GMDS: variants seen among roughly 807,000 people sequenced by gnomAD.
The protein encoded by GMDS is GDP-mannose 4,6 dehydratase.
A neutral mutation model predicts 49.9 loss-of-function variants in GMDS; 20 were observed. The observed-to-expected ratio is 0.40, with a 90% CI of 0.28 to 0.58. The LOEUF is 0.58. Among genes scored for constraint, GMDS ranks in the 20% least tolerant of loss-of-function variants. GMDS has a pLI of 0.42. For synonymous variants in GMDS, 177 were observed against 178.6 expected (o/e 0.99, Z 0.07); for missense variants, 362 against 481.4 (o/e 0.75, Z 2.32).
At chr6:2,048,575 A>G (rs180702630) in intron 4 of GMDS, among the ~76,000 whole-genome samples, 106 of 152,344 alleles carry the variant, frequency 7.0e-4, no homozygotes, top group Admixed American at 1.7e-3. Flanking sequence ...ACATATTCAC[A>G]TATGCATCTG....
chr6:1,944,459 G>C (rs1161496195), intron 6 of GMDS, among the ~76,000 whole-genome samples: 16 of 139,944 alleles, frequency 1.1e-4, no homozygotes, highest in African/African-American at 3.8e-4. Context: ...GAGCCGAGAT[G>C]GCGCCACTGC....
chr6:1,924,012 G>C (rs1761862980), intron 7 of GMDS, among the ~76,000 whole-genome samples: 1 of 152,178 alleles, frequency 6.6e-6, no homozygotes, highest in Admixed American at 6.5e-5. Flanking sequence ...AAGGGATAGA[G>C]GGGGCTGGAG....
chr6:1,899,340 A>G (rs749309055), intron 7 of GMDS, among the ~76,000 whole-genome samples: 1 of 152,104 alleles, frequency 6.6e-6, no homozygotes, highest in African/African-American at 2.4e-5. Context: ...ATGCACTGGC[A>G]TAATTAGTAA....
At chr6:1,626,233 A>C (rs1463146939) in intron 9 of GMDS, 2 of 152,250 alleles carry the variant, frequency 1.3e-5, no homozygotes, top group Non-Finnish European at 2.9e-5. Context: ...CGTTCTCATC[A>C]TCCATCACTA....
At chr6:1,753,230 G>A (rs1767804003) in intron 7 of GMDS, among the ~76,000 whole-genome samples, 1 of 152,086 alleles carries the variant, frequency 6.6e-6, no homozygotes, top group African/African-American at 2.4e-5. Context: ...AAAAAAAGCA[G>A]GGGGTGCAAT....
chr6:1,773,194 CT>C (rs535227437), intron 7 of GMDS, among the ~76,000 whole-genome samples: 47,549 of 143,374 alleles, frequency 0.33, 7,844 homozygotes, highest in South Asian at 0.44. Context: ...AGAGGGTCCT[CT>C]TTTTTTTTTT....
intron 7 of GMDS, among the ~76,000 whole-genome samples, chr6:1,777,988 A>C (rs1249216674): frequency 1.3e-5 from 2 of 152,234 alleles, no homozygotes; most frequent in Non-Finnish European, 2.9e-5. Context: ...CACAGCTAAC[A>C]GATGGAAGAG....
chr6:1,967,664 G>A (rs1764342010), intron 4 of GMDS, among the ~76,000 whole-genome samples: 1 of 152,210 alleles, frequency 6.6e-6, no homozygotes. Flanking sequence ...TTAGGAAAAT[G>A]CGCAAAGACA....
At chr6:2,045,851 T>C (rs905063654) in intron 4 of GMDS, among the ~76,000 whole-genome samples, 1 of 152,144 alleles carries the variant, frequency 6.6e-6, no homozygotes, top group Admixed American at 6.5e-5. Flanking sequence ...ATAACACCAC[T>C]AGACATGGAT....
At chr6:1,653,656 G>A (rs1045197484) in intron 9 of GMDS, among the ~76,000 whole-genome samples, 3 of 152,084 alleles carry the variant, frequency 2.0e-5, no homozygotes, top group Admixed American at 6.6e-5. Flanking sequence ...TAATATACCC[G>A]GCCAATTGAT....
At chr6:1,805,062 T>G (rs1050816988) in intron 7 of GMDS, among the ~76,000 whole-genome samples, 1 of 152,220 alleles carries the variant, frequency 6.6e-6, no homozygotes, top group East Asian at 1.9e-4. Flanking sequence ...CTTTCCCACC[T>G]GCTTTATTTC....
chr6:2,144,016 T>C (rs771653236), intron 1 of GMDS, among the ~76,000 whole-genome samples: 4 of 152,258 alleles, frequency 2.6e-5, no homozygotes, highest in Non-Finnish European at 4.4e-5. Context: ...GTTGTGTCCA[T>C]TGACATATGT....
chr6:1,927,562 AT>A (rs2113920530), intron 7 of GMDS, among the ~76,000 whole-genome samples: 1 of 152,358 alleles, frequency 6.6e-6, no homozygotes, highest in Non-Finnish European at 1.5e-5. Context: ...TGTATATAAA[AT>A]ATTTTTATTT....
At chr6:1,951,152 C>A (rs2628444) in intron 6 of GMDS, among the ~76,000 whole-genome samples, 151,921 of 152,002 alleles carry the variant, frequency 1, 75,920 homozygotes, top group Middle Eastern at 1. Context: ...CTTTAAAAAA[C>A]AAATCAAAAG....
At chr6:2,083,420 C>T (rs1289655580) in intron 4 of GMDS, among the ~76,000 whole-genome samples, 1 of 152,020 alleles carries the variant, frequency 6.6e-6, no homozygotes, top group Non-Finnish European at 1.5e-5. Context: ...AACACAAAAA[C>T]CATAAATACA....
intron 9 of GMDS, among the ~76,000 whole-genome samples, chr6:1,680,832 C>G (rs1764763209): frequency 6.6e-6 from 1 of 152,080 alleles, no homozygotes; most frequent in African/African-American, 2.4e-5. Flanking sequence ...TGCCCAGAGC[C>G]CTTGCCATTT....
chr6:2,195,641 CCTT>C (rs1581780085), intron 1 of GMDS, among the ~76,000 whole-genome samples: 1 of 151,822 alleles, frequency 6.6e-6, no homozygotes, highest in Admixed American at 6.6e-5. Context: ...TATTATGTGT[CCTT>C]CTTTTTTTCT....
chr6:1,742,123 T>C (rs1301160315), intron 8 of GMDS, among the ~76,000 whole-genome samples: 21 of 151,964 alleles, frequency 1.4e-4, no homozygotes. Flanking sequence ...GGTTTCACCA[T>C]GTTGGTCAGG....
chr6:2,125,855 C>T (rs574371180), intron 1 of GMDS, among the ~76,000 whole-genome samples: 120 of 152,196 alleles, frequency 7.9e-4, no homozygotes, highest in Non-Finnish European at 4.0e-4. Flanking sequence ...GGATGGGGAT[C>T]AGATTTGTAT....
Sources: allele counts gnomAD v4.1 joint callset (sites outside exome capture counted in the v4.1 genomes callset), GRCh38; gene constraint gnomAD v4.1.1; transcripts MANE v1.5; gene names NCBI Gene and HGNC (gene_info 2026-07-23, HGNC 2026-07-21).